ZCCHC7: variants seen among roughly 807,000 people sequenced by gnomAD.
The protein encoded by ZCCHC7 is zinc finger CCHC domain-containing protein 7.
ZCCHC7 carries 35 observed loss-of-function variants against 52.0 expected under a neutral mutation model. That is an observed-to-expected ratio of 0.67 (90% confidence interval 0.51 to 0.89). The LOEUF is 0.89. Among genes scored for constraint, ZCCHC7 ranks in the 40% least tolerant of loss-of-function variants. ZCCHC7 has a pLI of 0.00. For missense variants in ZCCHC7, 574 were observed against 649.1 expected (o/e 0.88, Z 1.26); for synonymous variants, 217 against 221.5 (o/e 0.98, Z 0.18).
intron 2 of ZCCHC7, among the ~76,000 whole-genome samples, chr9:37,274,200 A>AT (rs1481134389): frequency 6.6e-6 from 1 of 151,892 alleles, no homozygotes; most frequent in Non-Finnish European, 1.5e-5. Context: ...CTCTTCATGT[A>AT]TATGTATGTG....
At position 37,207,497 on chromosome 9, in the gene ZCCHC7, G is replaced by GT. The variant is rs3074709; in HGVS notation, c.610+80574dup. On this transcript the variant is annotated intron_variant, in intron 2 of 8. Transcript: ENST00000336755. ...AACTTTTATTTATTATTTCTCCAGAGTTTTTTTTTTTTTTTTTTTGCCTTG... is the reference window on the plus strand; with the variant it reads ...AACTTTTATTTATTATTTCTCCAGAGTTTTTTTTTTTTTTTTTTTTGCCTTG... Among the ~76,000 whole-genome samples the GT allele has an allele frequency of 9.9e-3, 931 of 94,086 alleles. 7 individuals are homozygous for GT. The highest frequency in any genetic ancestry group is 0.035 in the Middle Eastern group (5 of 144). 61.7% of individuals were successfully genotyped at this position (94,086 alleles called of 152,430 possible). A position where few individuals can be genotyped will look rare whatever the true frequency, so the allele number is the denominator to read the frequency against.
intron 2 of ZCCHC7, among the ~76,000 whole-genome samples, chr9:37,159,743 G>A (rs1450320060): frequency 6.6e-6 from 1 of 152,160 alleles, no homozygotes; most frequent in East Asian, 1.9e-4. Flanking sequence ...TAGAATTCCT[G>A]TAGAACCTCT....
At position 37,126,640 on chromosome 9, in the gene ZCCHC7, G is replaced by T. The variant is rs771681338; in HGVS notation, c.308G>T (p.Cys103Phe). The change falls in exon 2 of 9, where the codon TGT (cysteine) becomes TTT (phenylalanine). Residue 103 changes from cysteine to phenylalanine, a missense_variant. Physicochemically the swap from Cys to Phe is radical, Grantham distance 205 (BLOSUM62 -2). Transcript: ENST00000336755. Reference protein sequence around the residue: ...TLSDEDSIYRCKGKNVRVQAQ... With the variant: ...TLSDEDSIYRFKGKNVRVQAQ... ...TCTGATGAAGACAGTATTTATAGAT[G>T]TAAAGGAAAGAATGTTAGAGTTCAA... The T allele has an allele frequency of 3.1e-6, 5 of 1,614,166 alleles. No homozygotes were observed. The highest frequency in any genetic ancestry group is 4.2e-6 in the Non-Finnish European group (5 of 1,180,028).
At chr9:37,293,163 T>C (rs957034676) in intron 2 of ZCCHC7, among the ~76,000 whole-genome samples, 24 of 152,250 alleles carry the variant, frequency 1.6e-4, no homozygotes, top group Non-Finnish European at 7.3e-5. Context: ...ATTTGTGATA[T>C]ATCCTGTAAA....
At chr9:37,217,028 A>G (rs1005988332) in intron 2 of ZCCHC7, among the ~76,000 whole-genome samples, 5 of 152,166 alleles carry the variant, frequency 3.3e-5, no homozygotes, top group African/African-American at 1.2e-4. Context: ...TAAAATTTCA[A>G]TAATATTCCT....
chr9:37,346,888 T>A (rs1056651474), intron 6 of ZCCHC7, among the ~76,000 whole-genome samples: 1 of 152,016 alleles, frequency 6.6e-6, no homozygotes, highest in Non-Finnish European at 1.5e-5. Flanking sequence ...CTCAGCTACC[T>A]GGGAGGCTGA....
At chr9:37,242,241 A>G (rs529434172) in intron 2 of ZCCHC7, among the ~76,000 whole-genome samples, 22 of 151,938 alleles carry the variant, frequency 1.4e-4, no homozygotes, top group Middle Eastern at 6.8e-3. Flanking sequence ...CAATCCGTTA[A>G]AATTTCCAAA....
chr9:37,167,570 T>C (rs1451620188), intron 2 of ZCCHC7, among the ~76,000 whole-genome samples: 1 of 152,238 alleles, frequency 6.6e-6, no homozygotes, highest in Non-Finnish European at 1.5e-5. Flanking sequence ...AGTCATACTT[T>C]CCTGCTTTTT....
At chr9:37,259,471 G>A (rs1362460178) in intron 2 of ZCCHC7, among the ~76,000 whole-genome samples, 5 of 152,002 alleles carry the variant, frequency 3.3e-5, no homozygotes, top group Non-Finnish European at 7.4e-5. Flanking sequence ...AATTATGTTT[G>A]GCAAATGCAA....
rs1367743259 is a variant in ZCCHC7, at chr9:37,354,235, T to A, written c.1084-475T>A. ...CAGTGAATGTTGAGTTAAAATAAGC[T>A]TGCAAACCATTTGTCTCTAGAAAAA... On this transcript the variant is annotated intron_variant, in intron 7 of 8. Transcript: ENST00000336755. This position sits in a 1 kb window ranked among gnomAD's most constrained non-coding sequence, Gnocchi z 4.0. Among the ~76,000 whole-genome samples the A allele has an allele frequency of 6.6e-6, 1 of 152,102 alleles. No individual in the cohort carries two copies.
chr9:37,201,501 A>G (rs1437671913), intron 2 of ZCCHC7, among the ~76,000 whole-genome samples: 1 of 152,242 alleles, frequency 6.6e-6, no homozygotes. Flanking sequence ...TGAGGAGGAA[A>G]GTAATAATAT....
At chr9:37,164,613 C>T (rs1821319698) in intron 2 of ZCCHC7, among the ~76,000 whole-genome samples, 2 of 151,936 alleles carry the variant, frequency 1.3e-5, no homozygotes, top group Non-Finnish European at 1.5e-5. Flanking sequence ...ACAGGGTCTC[C>T]CTCTATTGCC....
chr9:37,198,037 G>T (rs1564172908), intron 2 of ZCCHC7, among the ~76,000 whole-genome samples: 1 of 152,186 alleles, frequency 6.6e-6, no homozygotes, highest in Non-Finnish European at 1.5e-5. Context: ...GGAAACTGTA[G>T]TGTTCCTCAT....
intron 2 of ZCCHC7, among the ~76,000 whole-genome samples, chr9:37,255,234 C>T (rs1826528749): frequency 6.6e-6 from 1 of 152,070 alleles, no homozygotes; most frequent in Admixed American, 6.6e-5. Flanking sequence ...GCACTGTACT[C>T]ACCCTTCTTG....
At chr9:37,295,278 T>G (rs1828734045) in intron 2 of ZCCHC7, among the ~76,000 whole-genome samples, 2 of 152,082 alleles carry the variant, frequency 1.3e-5, no homozygotes, top group African/African-American at 4.8e-5. Context: ...TTATTAGGCA[T>G]AGCTGGAACA....
chr9:37,286,797 T>TC (rs1828230916), intron 2 of ZCCHC7, among the ~76,000 whole-genome samples: 1 of 55,244 alleles, frequency 1.8e-5, no homozygotes, highest in Non-Finnish European at 3.3e-5. Context: ...TTTCCCTCCC[T>TC]CCCTCCCCCC....
intron 2 of ZCCHC7, among the ~76,000 whole-genome samples, chr9:37,243,945 G>GTA (rs1825977460): frequency 6.6e-6 from 1 of 151,824 alleles, no homozygotes; most frequent in African/African-American, 2.4e-5. Flanking sequence ...GGATATGACC[G>GTA]TAGAGTTTGT....
At chr9:37,184,281 A>C (rs751273682) in intron 2 of ZCCHC7, among the ~76,000 whole-genome samples, 1 of 151,894 alleles carries the variant, frequency 6.6e-6, no homozygotes, top group Non-Finnish European at 1.5e-5. Context: ...AACTTGGTCT[A>C]TATCATCTGA....
chr9:37,120,688 G>T, intron 1 of ZCCHC7, 65 bp downstream of exon 1: 1 of 375,580 alleles, frequency 2.7e-6, no homozygotes, highest in Non-Finnish European at 4.7e-6. Flanking sequence ...CCTCCTTCTT[G>T]CCCGCCGGGC....
Sources: allele counts gnomAD v4.1 joint callset (sites outside exome capture counted in the v4.1 genomes callset), GRCh38; gene constraint gnomAD v4.1.1; non-coding constraint Gnocchi (gnomAD v3.1); transcripts MANE v1.5; gene names NCBI Gene and HGNC (gene_info 2026-07-23, HGNC 2026-07-21).